MSRA: variants seen among roughly 807,000 people sequenced by gnomAD.
The protein encoded by MSRA is mitochondrial peptide methionine sulfoxide reductase.
A neutral mutation model predicts 31.3 loss-of-function variants in MSRA; 54 were observed. That is an observed-to-expected ratio of 1.73 (90% CI 1.39 to 2.17). MSRA has a LOEUF of 2.17. MSRA is among the 30% of genes most tolerant of loss of function. The probability of loss-of-function intolerance (pLI) is 0.00; values close to 1 mark genes in which losing one functional copy is unlikely to be tolerated. For synonymous variants in MSRA, 169 were observed against 116.5 expected, an observed-to-expected ratio of 1.45 and a Z score of -2.90; for missense variants, 507 against 300.9, an observed-to-expected ratio of 1.69 and a Z score of -5.07.
intron 1 of MSRA, among the ~76,000 whole-genome samples, chr8:10,110,931 T>C (rs1800232442): frequency 6.6e-6 from 1 of 152,172 alleles, no homozygotes; most frequent in Admixed American, 6.5e-5. Context: ...CTCCTAACCA[T>C]CTCCAGTCTA....
intron 1 of MSRA, among the ~76,000 whole-genome samples, chr8:10,057,602 G>T (rs1268232800): frequency 2.0e-5 from 3 of 152,104 alleles, no homozygotes; most frequent in African/African-American, 7.2e-5. Context: ...TTGGAGGAGG[G>T]GCCTGGTGAG....
chr8:10,418,148 A>G (rs1808594791), intron 5 of MSRA, among the ~76,000 whole-genome samples: 1 of 152,206 alleles, frequency 6.6e-6, no homozygotes, highest in South Asian at 2.1e-4. Flanking sequence ...AAATACACAT[A>G]TACGTTTTAC....
intron 1 of MSRA, among the ~76,000 whole-genome samples, chr8:10,123,638 T>A (rs1050643135): frequency 6.6e-6 from 1 of 152,314 alleles, no homozygotes; most frequent in East Asian, 1.9e-4. Flanking sequence ...AGAGTTTTTA[T>A]AGTTTTGAGG....
intron 3 of MSRA, among the ~76,000 whole-genome samples, chr8:10,264,609 A>G (rs1798650399): frequency 6.6e-6 from 1 of 152,156 alleles, no homozygotes; most frequent in Non-Finnish European, 1.5e-5. Context: ...AGCTGCTTGG[A>G]GAGCAGGAGT....
chr8:10,204,670 A>G (rs532329847), intron 1 of MSRA, among the ~76,000 whole-genome samples: 38 of 152,222 alleles, frequency 2.5e-4, no homozygotes, highest in Admixed American at 4.6e-4. Flanking sequence ...CTGACAACAC[A>G]TAGATTTCCC....
intron 1 of MSRA, among the ~76,000 whole-genome samples, chr8:10,065,686 T>A (rs765248872): frequency 1.1e-4 from 17 of 152,244 alleles, no homozygotes; most frequent in Non-Finnish European, 2.2e-4. Context: ...ATAAGGAGAT[T>A]TATGAAAGAG....
intron 2 of MSRA, among the ~76,000 whole-genome samples, chr8:10,223,760 A>G (rs950225729): frequency 1.3e-5 from 2 of 152,224 alleles, no homozygotes; most frequent in Admixed American, 1.3e-4. Flanking sequence ...TGCCAAATCT[A>G]GATGGTTAAA....
At chr8:10,121,846 T>G (rs1289592121) in intron 1 of MSRA, among the ~76,000 whole-genome samples, 1 of 1,676 alleles carries the variant, frequency 6.0e-4, no homozygotes, top group Non-Finnish European at 2.5e-3. Context: ...AATTTTTAAT[T>G]TTTTTTTTTT....
intron 3 of MSRA, among the ~76,000 whole-genome samples, chr8:10,253,706 A>G (rs1188208498): frequency 6.6e-6 from 1 of 152,004 alleles, no homozygotes; most frequent in African/African-American, 2.4e-5. Context: ...TTCAAATCAC[A>G]TCTAATGGAG....
At chr8:10,207,749 G>A in intron 1 of MSRA, 84 bp from the exon 2 acceptor site, 1 of 1,241,248 alleles carries the variant, frequency 8.1e-7, no homozygotes, top group East Asian at 2.5e-5. Context: ...AGGAGAAATA[G>A]GCTCATTGAC....
At chr8:10,239,031 C>T (rs888477261) in intron 2 of MSRA, among the ~76,000 whole-genome samples, 1 of 151,996 alleles carries the variant, frequency 6.6e-6, no homozygotes, top group South Asian at 2.1e-4. Context: ...ATAAAAATTG[C>T]AACAAACCAA....
At chr8:10,140,666 A>C (rs190773229) in intron 1 of MSRA, among the ~76,000 whole-genome samples, 111 of 152,348 alleles carry the variant, frequency 7.3e-4, no homozygotes, top group African/African-American at 2.6e-3. Context: ...GCAGGGATGG[A>C]GAGAGCACAT....
chr8:10,422,587 C>T (rs1808877201), intron 5 of MSRA, among the ~76,000 whole-genome samples: 1 of 152,118 alleles, frequency 6.6e-6, no homozygotes, highest in South Asian at 2.1e-4. Context: ...GTCAGCAAGA[C>T]ACACACACAA....
intron 5 of MSRA, among the ~76,000 whole-genome samples, chr8:10,349,189 A>G (rs143508159): frequency 4.0e-4 from 61 of 152,352 alleles, no homozygotes; most frequent in African/African-American, 1.4e-3. Context: ...TAAATTGTTG[A>G]AGTTTATATT....
intron 1 of MSRA, among the ~76,000 whole-genome samples, chr8:10,086,175 T>C (rs1162233916): frequency 2.6e-5 from 4 of 152,252 alleles, no homozygotes; most frequent in African/African-American, 9.6e-5. Context: ...GATTCATTTC[T>C]GTACATACTT....
At position 10,348,826 on chromosome 8, in the gene MSRA, G is replaced by A. The variant is rs930224155; in HGVS notation, c.543+28837G>A. Among the ~76,000 whole-genome samples the A allele has an allele frequency of 5.9e-5, 9 of 152,322 alleles. No individual in the cohort carries two copies. In the South Asian group the frequency reaches 1.9e-3, roughly 32 times the overall value. ...GGTATCTGGGATCTGCAGGGTCTTG[G>A]CAGGAGAAGGCTTGGGGGGGACAAG... On this transcript the variant is annotated intron_variant, in intron 5 of 5. Transcript: ENST00000317173.
At chr8:10,239,276 C>T (rs558365759) in intron 2 of MSRA, among the ~76,000 whole-genome samples, 1 of 152,090 alleles carries the variant, frequency 6.6e-6, no homozygotes, top group Non-Finnish European at 1.5e-5. Context: ...ATTCTTCTGC[C>T]TCAGCCTCAT....
chr8:10,377,132 C>G (rs528165361), intron 5 of MSRA, among the ~76,000 whole-genome samples: 11 of 152,344 alleles, frequency 7.2e-5, no homozygotes, highest in Admixed American at 1.3e-4. Flanking sequence ...AGTGCTCTGT[C>G]CCACTGAACG....
At position 10,374,636 on chromosome 8, in the gene MSRA, A is replaced by G. The variant is rs79042326; in HGVS notation, c.544-53512A>G. Among the ~76,000 whole-genome samples the G allele has an allele frequency of 5.4e-3, 829 of 152,314 alleles. 4 individuals carry two copies. The highest frequency in any genetic ancestry group is 8.4e-3 in the Non-Finnish European group (573 of 68,020). On this transcript the variant is annotated intron_variant, in intron 5 of 5. Transcript: ENST00000317173. Reference sequence around the variant, plus strand: ...GAGGTAGGTGGTCCAGGTCTTTGCTATGAACCATTCAGAGTCTGACAGTTT... The same window carrying G: ...GAGGTAGGTGGTCCAGGTCTTTGCTGTGAACCATTCAGAGTCTGACAGTTT...
Sources: allele counts gnomAD v4.1 joint callset (sites outside exome capture counted in the v4.1 genomes callset), GRCh38; gene constraint gnomAD v4.1.1; transcripts MANE v1.5; gene names NCBI Gene and HGNC (gene_info 2026-07-23, HGNC 2026-07-21).